GRIN2B: variants seen among roughly 807,000 people sequenced by gnomAD.
GRIN2B encodes the protein glutamate receptor ionotropic, NMDA 2B.
Under a neutral mutation model 114.5 loss-of-function variants are expected in GRIN2B, and 5 were observed. The observed-to-expected ratio is 0.04, with a 90% CI of 0.02 to 0.09. The LOEUF (loss-of-function observed/expected upper bound fraction) is 0.09, where lower values mean the gene tolerates loss of function less well. Among genes scored for constraint, GRIN2B ranks in the 10% least tolerant of loss-of-function variants. GRIN2B has a pLI of 1.00. For synonymous variants in GRIN2B, 787 were observed against 745.1 expected (o/e 1.06, Z -0.92); for missense variants, 1,108 against 1,943.5 (o/e 0.57, Z 8.08).
At chr12:13,901,941 T>C (rs1866459746) in intron 2 of GRIN2B, among the ~76,000 whole-genome samples, 1 of 152,152 alleles carries the variant, frequency 6.6e-6, no homozygotes. Flanking sequence ...TTTTTCAGCA[T>C]TAGTTATTAA....
At chr12:13,868,010 G>C (rs909744791) in intron 2 of GRIN2B, among the ~76,000 whole-genome samples, 1 of 152,160 alleles carries the variant, frequency 6.6e-6, no homozygotes. Context: ...AGTCAGTCTT[G>C]ACTGCAAAGG....
At chr12:13,842,984 G>A (rs560501009) in intron 3 of GRIN2B, among the ~76,000 whole-genome samples, 6 of 118,120 alleles carry the variant, frequency 5.1e-5, no homozygotes, top group East Asian at 2.5e-4. Flanking sequence ...AATTTTTTGC[G>A]GTGTTTTGTT....
At chr12:13,887,024 C>T (rs1420213403) in intron 2 of GRIN2B, among the ~76,000 whole-genome samples, 2 of 152,142 alleles carry the variant, frequency 1.3e-5, no homozygotes, top group African/African-American at 4.8e-5. Context: ...TACATGGCTA[C>T]TAAATGGAGG....
At chr12:13,576,796 G>A (rs1030771384) in intron 10 of GRIN2B, among the ~76,000 whole-genome samples, 16 of 152,228 alleles carry the variant, frequency 1.1e-4, no homozygotes, top group South Asian at 2.1e-4. Context: ...CAAGCGATCC[G>A]CTCTGCTCGG....
At chr12:13,960,002 T>C (rs1372776510) in intron 2 of GRIN2B, among the ~76,000 whole-genome samples, 1 of 152,056 alleles carries the variant, frequency 6.6e-6, no homozygotes, top group Non-Finnish European at 1.5e-5. Flanking sequence ...AATGGTGGCA[T>C]AAGTGGAGCC....
At chr12:13,647,929 G>C (rs1275532552) in intron 5 of GRIN2B, among the ~76,000 whole-genome samples, 1 of 152,074 alleles carries the variant, frequency 6.6e-6, no homozygotes, top group Non-Finnish European at 1.5e-5. Context: ...CGCTGGCAGT[G>C]GGATGACTTT....
intron 3 of GRIN2B, among the ~76,000 whole-genome samples, chr12:13,816,460 G>T (rs1057255020): frequency 2.0e-5 from 3 of 152,056 alleles, no homozygotes; most frequent in African/African-American, 7.2e-5. Context: ...AGAATAATAG[G>T]TTACAATGAG....
At chr12:13,951,059 T>A (rs1267634693) in intron 2 of GRIN2B, among the ~76,000 whole-genome samples, 1 of 151,968 alleles carries the variant, frequency 6.6e-6, no homozygotes, top group Non-Finnish European at 1.5e-5. Flanking sequence ...CAAGAGAGAG[T>A]AGTGATATGG....
chr12:13,623,868 G>A (rs1011814824), intron 5 of GRIN2B, among the ~76,000 whole-genome samples: 1 of 152,174 alleles, frequency 6.6e-6, no homozygotes, highest in Non-Finnish European at 1.5e-5. Context: ...CATTCCCAAA[G>A]TGTTCTTCTT....
At position 13,616,567 on chromosome 12, in the gene GRIN2B, G is replaced by A. The variant is rs1456604405; in HGVS notation, c.1216C>T (p.Leu406=). 1.2e-6 allele frequency: 2 copies of A among 1,613,698 alleles called. No homozygotes were observed. The highest frequency in any genetic ancestry group is 4.5e-5 in the East Asian group (2 of 44,884). The change falls in exon 6 of 14, where the codon CTG becomes TTG. Residue 406 remains leucine (L), a synonymous_variant. Transcript: ENST00000609686. ...PETEEQEDDH[L]SIVTLEEAPF... is the part of the protein sequence containing the mutation. ...GCCTCCTCCAGGGTCACAATGCTCA[G>A]ATGGTCATCCTCCTGCTCTTCAGTC...
At chr12:13,848,296 T>C (rs1436824036) in intron 3 of GRIN2B, among the ~76,000 whole-genome samples, 1 of 152,186 alleles carries the variant, frequency 6.6e-6, no homozygotes, top group Admixed American at 6.5e-5. Context: ...TCTTGTCTAT[T>C]TGGACCCTGG....
At chr12:13,760,569 T>C (rs1419290178) in intron 3 of GRIN2B, among the ~76,000 whole-genome samples, 1 of 152,224 alleles carries the variant, frequency 6.6e-6, no homozygotes, top group African/African-American at 2.4e-5. Flanking sequence ...AAGAAAATTC[T>C]CCTTCTTTTC....
intron 2 of GRIN2B, among the ~76,000 whole-genome samples, chr12:13,932,686 C>T (rs1443120769): frequency 2.0e-5 from 3 of 152,094 alleles, no homozygotes; most frequent in Non-Finnish European, 4.4e-5. Flanking sequence ...AAGACTAAGA[C>T]TAAGTGAGAG....
At chr12:13,802,150 T>C (rs1295899946) in intron 3 of GRIN2B, among the ~76,000 whole-genome samples, 4 of 152,054 alleles carry the variant, frequency 2.6e-5, no homozygotes, top group Admixed American at 6.6e-5. Context: ...AATGAAATCA[T>C]GAAGATAGAC....
chr12:13,753,953 A>G lies in GRIN2B; in HGVS notation c.412-38T>C, dbSNP rs1264352245. On this transcript the variant is annotated intron_variant, in intron 3 of 13. Coordinates refer to ENST00000609686, the MANE Select transcript of GRIN2B (RefSeq NM_000834.5). The surrounding 1 kb of genome is among the most constrained non-coding windows in gnomAD (Gnocchi z 6.2). ...CAGGACAAAAAAAGGAAGAGAGAAA[A>G]AAATCAAACCAAAGATGGTAATGGA... 7.3e-7 allele frequency: 1 copy of G among 1,364,476 alleles called. No homozygotes were observed. The highest frequency in any genetic ancestry group is 1.2e-5 in the South Asian group (1 of 85,058). The allele number at this position is 1,364,476 out of a possible 1,614,324, so 84.5% of individuals were successfully genotyped here.
chr12:13,740,902 A>T (rs981086281), intron 4 of GRIN2B, among the ~76,000 whole-genome samples: 7 of 152,176 alleles, frequency 4.6e-5, no homozygotes, highest in African/African-American at 1.7e-4. Context: ...CAGGACAGAG[A>T]GTGAGATGAG....
chr12:13,907,919 T>C (rs1399579128), intron 2 of GRIN2B, among the ~76,000 whole-genome samples: 1 of 152,208 alleles, frequency 6.6e-6, no homozygotes, highest in African/African-American at 2.4e-5. Context: ...AATGGCATTT[T>C]ACTTACTACT....
chr12:13,666,289 C>T (rs528011861), intron 5 of GRIN2B, among the ~76,000 whole-genome samples: 7 of 152,258 alleles, frequency 4.6e-5, no homozygotes, highest in African/African-American at 1.7e-4. Flanking sequence ...GCTGACAGAA[C>T]TAAGACCTGG....
chr12:13,695,448 T>G (rs1042052802), intron 4 of GRIN2B, among the ~76,000 whole-genome samples: 25 of 152,144 alleles, frequency 1.6e-4, no homozygotes, highest in Non-Finnish European at 3.5e-4. Context: ...GCTTCAGGCT[T>G]CACCAGGGGA....
Sources: allele counts gnomAD v4.1 joint callset (sites outside exome capture counted in the v4.1 genomes callset), GRCh38; gene constraint gnomAD v4.1.1; non-coding constraint Gnocchi (gnomAD v3.1); transcripts MANE v1.5; gene names NCBI Gene and HGNC (gene_info 2026-07-23, HGNC 2026-07-21).